SPTA1: variants seen among roughly 807,000 people sequenced by gnomAD.
SPTA1 encodes the protein spectrin alpha, erythrocytic 1, also known as spectrin alpha chain, erythrocytic 1.
A neutral mutation model predicts 324.7 loss-of-function variants in SPTA1; 177 were observed. The ratio of observed to expected loss-of-function variants is 0.55; its 90% CI spans 0.48 to 0.62. SPTA1 has a LOEUF of 0.62. SPTA1 is among the 20% of genes least tolerant of loss of function. The pLI, the probability that SPTA1 is intolerant of heterozygous loss-of-function variation, is 0.00. For synonymous variants in SPTA1, 1,195 were observed against 1,041.3 expected, an observed-to-expected ratio of 1.15 and a Z score of -2.84; for missense variants, 3,162 against 2,883.6, an observed-to-expected ratio of 1.10 and a Z score of -2.21.
intron 14 of SPTA1, among the ~76,000 whole-genome samples, 191 bp from the exon 15 acceptor site, chr1:158,668,253 A>G (rs995027796): frequency 2.4e-4 from 36 of 152,188 alleles, no homozygotes; most frequent in African/African-American, 8.4e-4. Context: ...TGTGGCAGAC[A>G]TGGCGAACTA....
At position 158,642,561 on chromosome 1, in the gene SPTA1, A is replaced by G. The variant is rs565678249; in HGVS notation, c.4606-19T>C. 27 of 1,613,210 alleles carry G rather than the reference A, an allele frequency of 1.7e-5. No individual in the cohort carries two copies. Among genetic ancestry groups the G allele is most frequent in the Non-Finnish European group, 2.2e-5 (26 of 1,179,390 alleles). On this transcript the variant is annotated intron_variant, in intron 32 of 51. Transcript: ENST00000643759. ...ATTTCCTCTGAAGGGAAAATGAAAC[A>G]GAAATTATATTATCTTTTTATTTAT...
intron 42 of SPTA1, 132 bp downstream of exon 42, chr1:158,626,014 T>G (rs985731582): frequency 5.2e-5 from 36 of 695,040 alleles, no homozygotes; most frequent in Non-Finnish European, 8.5e-5. Flanking sequence ...TAGGAAATTA[T>G]TAATATTAAG....
At chr1:158,647,401 A>G (rs1652075680) in intron 27 of SPTA1, 138 bp downstream of exon 27, 2 of 1,087,592 alleles carry the variant, frequency 1.8e-6, no homozygotes, top group Non-Finnish European at 1.4e-6. Context: ...CAAACCTGAA[A>G]TTTTTTATGC....
intron 39 of SPTA1, among the ~76,000 whole-genome samples, chr1:158,633,335 CTG>C (rs1213312296): frequency 6.6e-6 from 1 of 152,102 alleles, no homozygotes; most frequent in Non-Finnish European, 1.5e-5. Context: ...TGAGATCTGT[CTG>C]TGTTATTTCT....
chr1:158,662,656 A>G, intron 17 of SPTA1, 46 bp downstream of exon 17: 1 of 1,612,482 alleles, frequency 6.2e-7, no homozygotes, highest in Middle Eastern at 2.0e-4. Flanking sequence ...CAATATATAG[A>G]CCTTGGTCCT....
Position 158,654,714 on chromosome 1 carries a change from C to G in SPTA1, c.2933G>C (p.Gly978Ala). The G allele has an allele frequency of 6.2e-7, 1 of 1,613,764 alleles. No individual in the cohort carries two copies. ...QQAAPVEGVA[G>A]EQRVMALYDF... ...ATATAAAGCCATGACCCTTTGTTCT[C>G]CAGCAACTCCCTCCACTGGTGCAGC... The change falls in exon 21 of 52, where the codon GGA becomes GCA. Residue 978 changes from glycine (G) to alanine (A), a missense_variant. Transcript: ENST00000643759.
At chr1:158,634,479 T>C (rs1336221046) in intron 39 of SPTA1, 64 bp downstream of exon 39, 1 of 1,604,274 alleles carries the variant, frequency 6.2e-7, no homozygotes, top group Non-Finnish European at 8.5e-7. Flanking sequence ...GTAAAAACAC[T>C]GACTACCCAA....
chr1:158,632,655 A>G (rs1650765738), intron 39 of SPTA1, among the ~76,000 whole-genome samples: 1 of 152,204 alleles, frequency 6.6e-6, no homozygotes, highest in African/African-American at 2.4e-5. Flanking sequence ...TAGTGACAAC[A>G]CAGAATGCTA....
In SPTA1 at chr1:158,659,595, A is replaced by ATT. The variant is rs1177353050; in HGVS notation, c.2587+1690_2587+1691dup. ...AAAAGAAAATAATAGTCTTAGCATT[A>ATT]TTTTTTTTTTTTTTTTTTTTTTTTT... is the stretch of plus-strand genomic sequence containing the variant. On this transcript the variant is annotated intron_variant, in intron 18 of 51. Coordinates refer to ENST00000643759, the MANE Select transcript of SPTA1 (RefSeq NM_003126.4). Among the ~76,000 whole-genome samples the ATT allele has an allele frequency of 6.1e-4, 42 of 68,778 alleles. 9 individuals carry two copies. The South Asian group carries it at 0.015, about 24-fold the overall frequency. 45.1% of individuals were successfully genotyped at this position (68,778 alleles called of 152,430 possible). A position where few individuals can be genotyped will look rare whatever the true frequency, so the allele number is the denominator to read the frequency against.
At chr1:158,664,470 T>G (rs143998583) in intron 16 of SPTA1, among the ~76,000 whole-genome samples, 2 of 151,816 alleles carry the variant, frequency 1.3e-5, no homozygotes, top group African/African-American at 2.4e-5. Flanking sequence ...TAAGTAGGAG[T>G]TGAACAATGA....
chr1:158,622,977 T>G lies in SPTA1; in HGVS notation c.6120+6A>C. The G allele has an allele frequency of 1.2e-6, 2 of 1,613,602 alleles. No homozygotes were observed. Among genetic ancestry groups the G allele is most frequent in the Non-Finnish European group, 1.7e-6 (2 of 1,179,464 alleles). ...GAACTGATCATGCCTCATAATTTTT[T>G]TAAACCTTCTGTAGAGGCAGCTGTT... is the stretch of plus-strand genomic sequence containing the variant. On this transcript the variant is annotated splice_donor_region_variant and intron_variant, in intron 43 of 51. Coordinates refer to ENST00000643759, the MANE Select transcript of SPTA1 (RefSeq NM_003126.4).
chr1:158,633,819 AT>A (rs1423567675), intron 39 of SPTA1, among the ~76,000 whole-genome samples: 1 of 152,158 alleles, frequency 6.6e-6, no homozygotes, highest in Non-Finnish European at 1.5e-5. Flanking sequence ...TGAGCTGATA[AT>A]TTGAATTATA....
chr1:158,664,230 T>C (rs937282240), intron 16 of SPTA1, among the ~76,000 whole-genome samples: 1 of 152,222 alleles, frequency 6.6e-6, no homozygotes, highest in African/African-American at 2.4e-5. Flanking sequence ...CATGCACATG[T>C]ATGTTTACTG....
chr1:158,626,094 G>A (rs1650247583), intron 42 of SPTA1, 52 bp downstream of exon 42: 3 of 1,494,322 alleles, frequency 2.0e-6, no homozygotes, highest in Non-Finnish European at 2.8e-6. Flanking sequence ...CATGGAGGAT[G>A]AGCTTCTGTG....
intron 27 of SPTA1, among the ~76,000 whole-genome samples, 153 bp downstream of exon 27, chr1:158,647,386 A>G (rs1331904581): frequency 6.6e-6 from 1 of 152,152 alleles, no homozygotes; most frequent in South Asian, 2.1e-4. Flanking sequence ...TATTGCTTCT[A>G]GTTTCAAACC....
At chr1:158,614,964 T>C (rs934560541) in intron 48 of SPTA1, 32 of 465,816 alleles carry the variant, frequency 6.9e-5, no homozygotes, top group Admixed American at 3.0e-4. Context: ...CTCTGAGAAA[T>C]TGGGTATAAA....
At chr1:158,642,610 AT>A in intron 32 of SPTA1, 68 bp from the exon 33 acceptor site, 1 of 1,601,768 alleles carries the variant, frequency 6.2e-7, no homozygotes, top group Non-Finnish European at 8.5e-7. Flanking sequence ...GGTAAATTGT[AT>A]TTAAAAGGAA....
At position 158,647,726 on chromosome 1, in the gene SPTA1, G is replaced by T. The variant is rs1042574776; in HGVS notation, c.3715-6C>A. ...GTCTCCCCCAGTATGGTCACCTGGG[G>T]AGGTACAATAGCTCTGATAATCAGC... On this transcript the variant is annotated splice_polypyrimidine_tract_variant and splice_region_variant and intron_variant, in intron 26 of 51. Transcript: ENST00000643759. 1.9e-6 allele frequency: 3 copies of T among 1,613,814 alleles called. No individual in the cohort carries two copies. In the African/African-American group the frequency reaches 4.0e-5, roughly 22 times the overall value.
intron 42 of SPTA1, among the ~76,000 whole-genome samples, chr1:158,625,917 A>T (rs993816927): frequency 5.9e-5 from 9 of 151,962 alleles, no homozygotes; most frequent in African/African-American, 2.2e-4. Context: ...CCAGAGAAAA[A>T]TTAAAAAGCT....
Sources: gnomAD v4.1 joint callset for allele counts (sites outside exome capture counted in the v4.1 genomes callset) on GRCh38, gnomAD v4.1.1 for gene constraint, MANE v1.5 for transcripts, NCBI Gene and HGNC (gene_info 2026-07-23, HGNC 2026-07-21) for gene names.